KAT6B: variants seen among roughly 807,000 people sequenced by gnomAD.
KAT6B encodes the protein lysine acetyltransferase 6B, also known as histone acetyltransferase KAT6B.
KAT6B carries 10 observed loss-of-function variants against 187.5 expected under a neutral mutation model. The observed-to-expected ratio is 0.05, with a 90% CI of 0.03 to 0.09. KAT6B has a LOEUF of 0.09. KAT6B is among the 10% of genes least tolerant of loss of function. The pLI is 1.00. For missense variants in KAT6B, 1,952 were observed against 2,558.9 expected, an observed-to-expected ratio of 0.76 and a Z score of 5.12; for synonymous variants, 861 against 926.8, an observed-to-expected ratio of 0.93 and a Z score of 1.29.
At chr10:74,921,674 A>G (rs1848146845) in intron 3 of KAT6B, among the ~76,000 whole-genome samples, 1 of 152,174 alleles carries the variant, frequency 6.6e-6, no homozygotes, top group Non-Finnish European at 1.5e-5. Flanking sequence ...GCTACCTCCC[A>G]AGCTAGGACT....
rs777180869 is a variant in KAT6B at position 75,022,217 on chromosome 10, G to T, written c.3358G>T (p.Ala1120Ser). Residue 1120 changes from alanine (A) to serine (S), a missense_variant, in exon 16 of 18, where the codon GCC becomes TCC. Ala to Ser is a moderately conservative substitution (Grantham distance 99). This residue lies in a region of KAT6B where 758 missense variants were observed against 891.4 expected (regional missense o/e 0.85). Transcript: ENST00000287239. ...PPRLTKPQSVAIKRKRPFVLK... is the reference protein window; with the variant it reads ...PPRLTKPQSVSIKRKRPFVLK... Reference sequence around the variant, plus strand: ...AAGATTGACGAAACCACAGTCAGTTGCCATAAAGAGAAAGGTAGGTGTCTG... The same window carrying T: ...AAGATTGACGAAACCACAGTCAGTTTCCATAAAGAGAAAGGTAGGTGTCTG... 4.3e-6 allele frequency: 7 copies of T among 1,613,040 alleles called. No individual in the cohort carries two copies. In the African/African-American group the frequency reaches 8.0e-5, roughly 18 times the overall value.
chr10:74,910,386 C>T (rs184840635), intron 3 of KAT6B, among the ~76,000 whole-genome samples: 3 of 152,122 alleles, frequency 2.0e-5, no homozygotes, highest in African/African-American at 7.2e-5. Context: ...TCCCAATACC[C>T]CCTCGTGGCA....
chr10:75,012,708 T>C (rs1844700451), intron 13 of KAT6B, among the ~76,000 whole-genome samples: 1 of 152,186 alleles, frequency 6.6e-6, no homozygotes. Context: ...TACCTTTCCC[T>C]GGGGGACTGA....
intron 13 of KAT6B, among the ~76,000 whole-genome samples, chr10:75,005,826 G>A (rs561975694): frequency 1.6e-4 from 24 of 152,022 alleles, no homozygotes; most frequent in Admixed American, 5.9e-4. Context: ...TAACATCATA[G>A]AGGAACGCTT....
At chr10:74,969,975 C>T (rs1427830510) in intron 5 of KAT6B, 45 bp from the exon 6 acceptor site, 2 of 1,431,438 alleles carry the variant, frequency 1.4e-6, no homozygotes, top group South Asian at 1.2e-5. Context: ...TGGCCTTTTA[C>T]AGTTGGTTTC....
chr10:75,024,920 C>T (rs938635654), intron 16 of KAT6B, 38 bp from the exon 17 acceptor site: 14 of 1,595,912 alleles, frequency 8.8e-6, no homozygotes, highest in Non-Finnish European at 1.1e-5. Context: ...TTTAATTTCT[C>T]ATGAGCTCTT....
At chr10:74,869,506 G>A (rs1843768694) in intron 3 of KAT6B, among the ~76,000 whole-genome samples, 4 of 152,106 alleles carry the variant, frequency 2.6e-5, no homozygotes, top group Admixed American at 2.6e-4. Flanking sequence ...GGCTGGTCTC[G>A]AACTCCTGGC....
chr10:74,934,186 C>CAAA (rs386371842), intron 3 of KAT6B, among the ~76,000 whole-genome samples: 3,892 of 69,110 alleles, frequency 0.056, 235 homozygotes, highest in East Asian at 0.19. Context: ...ACTCCGTCTC[C>CAAA]AAAAAAAAAA....
rs1327002729 is a variant in KAT6B, at chr10:74,842,583, T to C, written c.-258-17T>C. 2 of 585,228 alleles carry C rather than the reference T, an allele frequency of 3.4e-6. No homozygotes were observed. Among genetic ancestry groups the C allele is most frequent in the Admixed American group, 6.4e-5 (2 of 31,032 alleles). The allele number at this position is 585,228 out of a possible 1,614,324, so 36.3% of individuals were successfully genotyped here. The stretch of plus-strand genomic sequence containing the variant: ...GCTTCATTATTAAGAGACTTTCCCC[T>C]CTTTTTATCCTTTAAGGTCTTGATT... On this transcript the variant is annotated splice_polypyrimidine_tract_variant and intron_variant, in intron 2 of 17. Transcript: ENST00000287239.
chr10:74,988,737 A>G (rs1842958060), intron 12 of KAT6B, among the ~76,000 whole-genome samples: 2 of 152,176 alleles, frequency 1.3e-5, no homozygotes, highest in African/African-American at 4.8e-5. Context: ...TATGCTGTCT[A>G]TATTCTGTTT....
intron 3 of KAT6B, among the ~76,000 whole-genome samples, chr10:74,912,938 C>T (rs1428963373): frequency 6.6e-6 from 1 of 152,122 alleles, no homozygotes; most frequent in African/African-American, 2.4e-5. Context: ...GCAGAGTGTC[C>T]TTGTTGCTAT....
At chr10:74,888,446 T>C (rs1845438732) in intron 3 of KAT6B, among the ~76,000 whole-genome samples, 1 of 152,100 alleles carries the variant, frequency 6.6e-6, no homozygotes, top group African/African-American at 2.4e-5. Context: ...AAAAAGGCAT[T>C]GACAGAAAGG....
At chr10:75,000,232 A>G (rs1270444634) in intron 13 of KAT6B, among the ~76,000 whole-genome samples, 1 of 151,874 alleles carries the variant, frequency 6.6e-6, no homozygotes, top group African/African-American at 2.4e-5. Flanking sequence ...TTGACTGTCA[A>G]GGGCTGGGGA....
At chr10:74,865,071 C>T (rs1353158245) in intron 3 of KAT6B, among the ~76,000 whole-genome samples, 1 of 152,128 alleles carries the variant, frequency 6.6e-6, no homozygotes, top group African/African-American at 2.4e-5. Context: ...TCTCACTTAC[C>T]TTATCTGTAA....
intron 3 of KAT6B, among the ~76,000 whole-genome samples, chr10:74,900,553 G>A (rs925721189): frequency 6.6e-6 from 1 of 152,222 alleles, no homozygotes; most frequent in African/African-American, 2.4e-5. Context: ...GGAGCAGCCT[G>A]TTGGAGGCAT....
Position 75,014,180 on chromosome 10 carries a change from T to C in KAT6B, c.2630-6402T>C, listed in dbSNP as rs374210713. Among the ~76,000 whole-genome samples the C allele has an allele frequency of 3.3e-4, 50 of 152,278 alleles. 1 individual carries two copies. The South Asian group carries it at 8.9e-3, about 27-fold the overall frequency. On this transcript the variant is annotated intron_variant, in intron 13 of 17. Transcript: ENST00000287239. ...GCAGACTCAATACCAAAGCAATCTA[T>C]GAAAATCTAGCAAGCTGGGTGCAGT... is the stretch of plus-strand genomic sequence containing the variant.
At position 75,031,709 on chromosome 10, in the gene KAT6B, T is replaced by C. The variant is rs578149261; in HGVS notation, c.*663T>C. 1 of 210,730 alleles carries C rather than the reference T, an allele frequency of 4.7e-6. No homozygotes were observed. Among genetic ancestry groups the C allele is most frequent in the East Asian group, 7.2e-5 (1 of 13,868 alleles). 13.1% of individuals were successfully genotyped at this position (210,730 alleles called of 1,614,324 possible). A position where few individuals can be genotyped will look rare whatever the true frequency, so the allele number is the denominator to read the frequency against. On this transcript the variant is annotated 3_prime_UTR_variant, in exon 18 of 18. Transcript: ENST00000287239. ...TCAAAAGGGTTTTATTGCTAAATGT[T>C]TGGTGTAAAGTTGAGACCCTTTTCC...
chr10:74,905,024 T>C (rs1846658276), intron 3 of KAT6B, among the ~76,000 whole-genome samples: 1 of 152,176 alleles, frequency 6.6e-6, no homozygotes, highest in African/African-American at 2.4e-5. Context: ...ATTTGCACAG[T>C]TAAATTATTA....
intron 3 of KAT6B, among the ~76,000 whole-genome samples, chr10:74,856,924 A>T (rs1842861918): frequency 6.6e-6 from 1 of 152,054 alleles, no homozygotes; most frequent in Non-Finnish European, 1.5e-5. Context: ...AAAAGAAAAA[A>T]TACTGTATGG....
Sources: gnomAD v4.1 joint callset for allele counts (sites outside exome capture counted in the v4.1 genomes callset) on GRCh38, gnomAD v4.1.1 for gene constraint, gnomAD v4.1.1 regional missense constraint, MANE v1.5 for transcripts, NCBI Gene and HGNC (gene_info 2026-07-23, HGNC 2026-07-21) for gene names.